RNF213: variants seen among roughly 807,000 people sequenced by gnomAD.
RNF213 encodes the protein E3 ubiquitin-protein ligase RNF213.
Under a neutral mutation model 514.4 loss-of-function variants are expected in RNF213, and 341 were observed. The observed-to-expected ratio is 0.66, with a 90% CI of 0.61 to 0.73. RNF213 has a LOEUF of 0.73. Among genes scored for constraint, RNF213 ranks in the 30% least tolerant of loss-of-function variants. RNF213 has a pLI of 0.00. For synonymous variants in RNF213, 2,655 were observed against 2,658.2 expected, an observed-to-expected ratio of 1.00 and a Z score of 0.04; for missense variants, 5,767 against 6,615.6, an observed-to-expected ratio of 0.87 and a Z score of 4.45.
chr17:80,369,167 G>C (rs960778862), intron 44 of RNF213, among the ~76,000 whole-genome samples: 1 of 152,188 alleles, frequency 6.6e-6, no homozygotes, highest in Admixed American at 6.5e-5. Flanking sequence ...GGGAGGCCGA[G>C]GTGTGTGGAT....
chr17:80,333,960 G>A (rs2077910217), intron 21 of RNF213, 145 bp from the exon 22 acceptor site: 1 of 830,058 alleles, frequency 1.2e-6, no homozygotes, highest in Non-Finnish European at 1.9e-6. Flanking sequence ...TCAGGGGTAA[G>A]AGCTTGGTGT....
At chr17:80,350,436 C>G in intron 31 of RNF213, 40 bp downstream of exon 31, 1 of 1,326,140 alleles carries the variant, frequency 7.5e-7, no homozygotes, top group South Asian at 1.2e-5. Flanking sequence ...ATGTAAAAAA[C>G]CCAAAACGTA....
At position 80,319,198 on chromosome 17, in the gene RNF213, C is replaced by A. The variant is rs1040182425; in HGVS notation, c.2910C>A (p.Pro970=). Residue 970 remains proline, a synonymous_variant, in exon 17 of 68, where the codon CCC becomes CCA. Coordinates refer to ENST00000582970, the MANE Select transcript of RNF213 (RefSeq NM_001256071.3). ...CCCTTTGATTTTTGCAGGAGGAACC[C>A]CTCTCCCAGATCACTGCCTACTGCA... is the stretch of plus-strand genomic sequence containing the variant. ...DMEWRLTKEE[P]LSQITAYCNS... 1 of 1,614,184 alleles carries A rather than the reference C, an allele frequency of 6.2e-7. No homozygotes were observed. Among genetic ancestry groups the A allele is most frequent in the African/African-American group, 1.3e-5 (1 of 75,050 alleles).
Position 80,345,037 on chromosome 17 carries a change from CT to C in RNF213, c.6703del (p.Cys2235AlafsTer10), listed in dbSNP as rs2078263700. On this transcript the variant is annotated frameshift_variant, in exon 29 of 68. Transcript: ENST00000582970. LOFTEE classifies it high-confidence loss of function. This position sits in a 1 kb window ranked among gnomAD's most constrained non-coding sequence, Gnocchi z 6.0. The part of the protein sequence containing the change: ...QLRDCEASLF[C>X]NPSFIGDTLR... Reference sequence around the variant, plus strand: ...TCAGAGATTGTGAGGCCTCTCTCTTCTGCAATCCGAGTTTTATTGGCGACAC... The same window carrying C: ...TCAGAGATTGTGAGGCCTCTCTCTTCGCAATCCGAGTTTTATTGGCGACAC... The C allele has an allele frequency of 1.9e-6, 3 of 1,614,102 alleles. No homozygotes were observed. Among genetic ancestry groups the C allele is most frequent in the Non-Finnish European group, 2.5e-6 (3 of 1,180,018 alleles).
rs532897882 is a variant in RNF213, at chr17:80,389,351, C to A, written c.15179C>A (p.Thr5060Lys). 7 of 1,614,062 alleles carry A rather than the reference C, an allele frequency of 4.3e-6. No homozygotes were observed. The highest frequency in any genetic ancestry group is 5.1e-6 in the Non-Finnish European group (6 of 1,179,962). The change falls in exon 65 of 68, where the codon ACG (threonine) becomes AAG (lysine). Residue 5060 changes from threonine to lysine, a missense_variant. Thr to Lys is a moderately conservative substitution (Grantham distance 78, BLOSUM62 -1). Transcript: ENST00000582970. ...GACATCCTGCAAATGGGTGATCAGA[C>A]GATTCACGTGTTAAAGGTGGGTCTC... ...TQDILQMGDQ[T>K]IHVLKALNRC...
chr17:80,395,370 T>C lies in RNF213; in HGVS notation c.*1872T>C, dbSNP rs1367672242. The C allele has an allele frequency of 1.3e-5, 2 of 152,334 alleles. No individual in the cohort carries two copies. Among genetic ancestry groups the C allele is most frequent in the East Asian group, 3.9e-4 (2 of 5,186 alleles). The allele number at this position is 152,334 out of a possible 1,614,324, so 9.4% of individuals were successfully genotyped here. On this transcript the variant is annotated 3_prime_UTR_variant, in exon 68 of 68. Coordinates refer to ENST00000582970, the MANE Select transcript of RNF213 (RefSeq NM_001256071.3). ...GGCACATAGACATCAGCTAGGCTTT[T>C]GGGAATCGTTTGTGTTCTTTGTGGA...
chr17:80,389,972 T>C, intron 66 of RNF213, 40 bp from the exon 67 acceptor site: 1 of 1,613,892 alleles, frequency 6.2e-7, no homozygotes, highest in Non-Finnish European at 8.5e-7. Context: ...CCCTTCTCCC[T>C]GCAGGCTTTA....
intron 52 of RNF213, 39 bp downstream of exon 52, chr17:80,376,582 C>T (rs2079769625): frequency 6.2e-7 from 1 of 1,613,188 alleles, no homozygotes; most frequent in Non-Finnish European, 8.5e-7. Flanking sequence ...TTCACTGGAA[C>T]ACCCCCCAGA....
At chr17:80,283,091 C>G (rs974984228) in intron 3 of RNF213, among the ~76,000 whole-genome samples, 2 of 152,146 alleles carry the variant, frequency 1.3e-5, no homozygotes, top group African/African-American at 2.4e-5. Context: ...TAAGCCTCAC[C>G]CCCCGTAAAA....
chr17:80,356,431 A>G (rs1358454958), intron 36 of RNF213, among the ~76,000 whole-genome samples: 1 of 152,156 alleles, frequency 6.6e-6, no homozygotes, highest in Non-Finnish European at 1.5e-5. Flanking sequence ...TTCTGTGGTC[A>G]CCGTGAGGCC....
chr17:80,382,704 G>C lies in RNF213; in HGVS notation c.13979-275G>C, dbSNP rs957146515. On this transcript the variant is annotated intron_variant, in intron 57 of 67. Transcript: ENST00000582970. ...TAGCCTGGGCCACTCTTACTATTGA[G>C]CTCAAGTTCTGTTCTTTCAGTAATT... The C allele has an allele frequency of 6.5e-5, 23 of 356,302 alleles. No individual in the cohort carries two copies. In the Admixed American group the frequency reaches 7.1e-4, roughly 11 times the overall value. The allele number at this position is 356,302 out of a possible 1,614,324, so 22.1% of individuals were successfully genotyped here.
intron 19 of RNF213, 55 bp downstream of exon 19, chr17:80,328,044 G>T: frequency 6.6e-7 from 1 of 1,526,240 alleles, no homozygotes; most frequent in African/African-American, 1.4e-5. Flanking sequence ...GTAGCTGGAA[G>T]ACACGTTTGT....
At chr17:80,374,618 T>C in intron 50 of RNF213, 29 bp downstream of exon 50, 1 of 1,613,322 alleles carries the variant, frequency 6.2e-7, no homozygotes, top group Non-Finnish European at 8.5e-7. Context: ...TTCTCTCTGA[T>C]ACCAGGTGGC....
intron 32 of RNF213, chr17:80,352,483 C>A: frequency 2.0e-6 from 1 of 489,402 alleles, no homozygotes; most frequent in South Asian, 3.3e-5. Flanking sequence ...ATCTTCAGAT[C>A]TCTTTTTTTC....
In RNF213 at chr17:80,376,939, G is replaced by T. The variant is rs770950262; in HGVS notation, c.13486G>T (p.Gly4496Cys). Reference sequence around the variant, plus strand: ...GCTGGCTCAAGCTCGGAGGTGGAAGGGTCTGGAGCGAGTCCACTGGTACAG... The same window carrying T: ...GCTGGCTCAAGCTCGGAGGTGGAAGTGTCTGGAGCGAGTCCACTGGTACAG... ...DLLAQARRWK[G>C]LERVHWYTCP... is the part of the protein sequence containing the mutation. The change falls in exon 53 of 68, where the codon GGT becomes TGT. Residue 4496 changes from glycine to cysteine, a missense_variant. This residue lies in a region of RNF213 where 1,245 missense variants were observed against 1,339.0 expected (regional missense o/e 0.93). Coordinates refer to ENST00000582970, the MANE Select transcript of RNF213 (RefSeq NM_001256071.3). 1.5e-5 allele frequency: 25 copies of T among 1,613,878 alleles called. No individual in the cohort carries two copies. The highest frequency in any genetic ancestry group is 2.0e-5 in the Non-Finnish European group (24 of 1,179,978).
At chr17:80,355,833 G>C (rs547731237) in intron 36 of RNF213, among the ~76,000 whole-genome samples, 2 of 150,248 alleles carry the variant, frequency 1.3e-5, no homozygotes, top group African/African-American at 2.5e-5. Context: ...GAGAAGAAGC[G>C]GGGTGAACGG....
At chr17:80,306,645 A>T (rs974651732) in intron 12 of RNF213, among the ~76,000 whole-genome samples, 177 bp downstream of exon 12, 1 of 152,060 alleles carries the variant, frequency 6.6e-6, no homozygotes, top group African/African-American at 2.4e-5. Flanking sequence ...AGGTCAGGAG[A>T]TCGAGACCAT....
Position 80,332,013 on chromosome 17 carries a change from T to C in RNF213, c.3525T>C (p.Phe1175=), listed in dbSNP as rs1397438486. 1 of 1,534,342 alleles carries C rather than the reference T, an allele frequency of 6.5e-7. No homozygotes were observed. The highest frequency in any genetic ancestry group is 1.2e-5 in the South Asian group (1 of 84,018). ...TTCTTTTCGCTTCTAAAGTGGACTT[T>C]GGAGTGCTTGCAGTAAGACACTCAC... ...GNVKHLIQVD[F]GVLAVRHSQD... is the part of the protein sequence containing the mutation. The change falls in exon 21 of 68, where the codon TTT becomes TTC. Residue 1175 remains phenylalanine (F), a synonymous_variant. Coordinates refer to ENST00000582970, the MANE Select transcript of RNF213 (RefSeq NM_001256071.3).
intron 10 of RNF213, 22 bp from the exon 11 acceptor site, chr17:80,298,299 C>G: frequency 6.2e-7 from 1 of 1,612,844 alleles, no homozygotes; most frequent in Non-Finnish European, 8.5e-7. Context: ...CAGCTCACTG[C>G]GGGATCTTTA....
Sources: allele counts gnomAD v4.1 joint callset (sites outside exome capture counted in the v4.1 genomes callset), GRCh38; gene constraint gnomAD v4.1.1; regional missense constraint gnomAD v4.1.1; non-coding constraint Gnocchi (gnomAD v3.1); transcripts MANE v1.5; gene names NCBI Gene and HGNC (gene_info 2026-07-23, HGNC 2026-07-21).